FAT3: variants seen among roughly 807,000 people sequenced by gnomAD.
FAT3 encodes the protein FAT atypical cadherin 3.
Under a neutral mutation model 310.2 loss-of-function variants are expected in FAT3, and 95 were observed. That is an observed-to-expected ratio of 0.31 (90% CI 0.26 to 0.36). The LOEUF (loss-of-function observed/expected upper bound fraction) is 0.36, where lower values mean the gene tolerates loss of function less well. Among genes scored for constraint, FAT3 ranks in the 10% least tolerant of loss-of-function variants. The probability of loss-of-function intolerance (pLI) is 1.00; values close to 1 mark genes in which losing one functional copy is unlikely to be tolerated. For synonymous variants in FAT3, 2,314 were observed against 2,192.9 expected (o/e 1.06, Z -1.54); for missense variants, 5,408 against 5,715.6 (o/e 0.95, Z 1.74).
At chr11:92,645,498 A>G (rs927899836) in intron 3 of FAT3, among the ~76,000 whole-genome samples, 1 of 151,856 alleles carries the variant, frequency 6.6e-6, no homozygotes, top group Non-Finnish European at 1.5e-5. Flanking sequence ...CAGAAAAAAA[A>G]AAAAAACAGG....
intron 4 of FAT3, among the ~76,000 whole-genome samples, chr11:92,719,168 C>T (rs945011826): frequency 1.3e-5 from 2 of 152,202 alleles, no homozygotes; most frequent in African/African-American, 4.8e-5. Context: ...ATTTTAGTCA[C>T]TGTTTCCTAG....
At chr11:92,303,215 T>C (rs892452234) in intron 1 of FAT3, among the ~76,000 whole-genome samples, 1 of 152,134 alleles carries the variant, frequency 6.6e-6, no homozygotes, top group Non-Finnish European at 1.5e-5. Flanking sequence ...AAAATTTCCT[T>C]GGGAAACCAT....
chr11:92,863,971 G>C (rs1440384112), intron 21 of FAT3, among the ~76,000 whole-genome samples: 2 of 152,324 alleles, frequency 1.3e-5, no homozygotes, highest in Non-Finnish European at 2.9e-5. Context: ...ATTTTTGTTT[G>C]TAAAAGGCTA....
At chr11:92,566,121 G>C (rs530069126) in intron 3 of FAT3, among the ~76,000 whole-genome samples, 5 of 152,168 alleles carry the variant, frequency 3.3e-5, no homozygotes, top group African/African-American at 9.7e-5. Context: ...TGACATGATT[G>C]TGTATCTAGA....
intron 7 of FAT3, among the ~76,000 whole-genome samples, chr11:92,784,322 A>G (rs1050487750): frequency 6.6e-5 from 10 of 152,264 alleles, no homozygotes; most frequent in African/African-American, 2.2e-4. Context: ...AAGGGGCTTC[A>G]CCCTTGAAAT....
intron 2 of FAT3, among the ~76,000 whole-genome samples, chr11:92,381,839 T>C (rs1949500851): frequency 6.6e-6 from 1 of 152,196 alleles, no homozygotes; most frequent in African/African-American, 2.4e-5. Context: ...GAAATGTTGA[T>C]TGAATATTTA....
At chr11:92,632,124 C>T (rs1194660192) in intron 3 of FAT3, among the ~76,000 whole-genome samples, 3 of 152,312 alleles carry the variant, frequency 2.0e-5, no homozygotes, top group Non-Finnish European at 2.9e-5. Flanking sequence ...GCTTCAGCCA[C>T]TCCTTCTAAA....
chr11:92,452,881 C>T (rs911090047), intron 2 of FAT3, among the ~76,000 whole-genome samples: 45 of 152,118 alleles, frequency 3.0e-4, no homozygotes, highest in African/African-American at 1.1e-3. Flanking sequence ...TCAAGCAACC[C>T]TCCCACCTCT....
At chr11:92,585,262 A>C (rs926297785) in intron 3 of FAT3, among the ~76,000 whole-genome samples, 4 of 152,056 alleles carry the variant, frequency 2.6e-5, no homozygotes, top group African/African-American at 9.7e-5. Flanking sequence ...GTGACTATCA[A>C]TTTAATTTTA....
chr11:92,702,577 A>C (rs753339564), intron 4 of FAT3, among the ~76,000 whole-genome samples: 2 of 152,034 alleles, frequency 1.3e-5, no homozygotes, highest in Non-Finnish European at 2.9e-5. Context: ...TTTTCCATCT[A>C]CTTCCTCCTC....
Position 92,354,712 on chromosome 11 carries a change from C to T in FAT3, c.2600C>T (p.Thr867Ile). 1.2e-6 allele frequency: 2 copies of T among 1,613,882 alleles called. No homozygotes were observed. Among genetic ancestry groups the T allele is most frequent in the Non-Finnish European group, 1.7e-6 (2 of 1,179,874 alleles). The part of the protein sequence containing the change: ...DKDLGSNGEV[T>I]YSVLTDTQQF... ...GACTTAGGTTCTAATGGTGAAGTGACTTACTCAGTCTTGACAGATACACAG... is the reference window on the plus strand; with the variant it reads ...GACTTAGGTTCTAATGGTGAAGTGATTTACTCAGTCTTGACAGATACACAG... Residue 867 changes from threonine to isoleucine, a missense_variant, in exon 2 of 28, where the codon ACT becomes ATT. Transcript: ENST00000525166.
Position 92,889,187 on chromosome 11 carries a change from A to G in FAT3, c.13052-2A>G, listed in dbSNP as rs764171575. The G allele has an allele frequency of 7.0e-6, 5 of 712,102 alleles. No homozygotes were observed. The highest frequency in any genetic ancestry group is 4.5e-5 in the South Asian group (3 of 66,692). 44.1% of individuals were successfully genotyped at this position (712,102 alleles called of 1,614,324 possible). On this transcript the variant is annotated splice_acceptor_variant, in intron 25 of 27. Coordinates refer to ENST00000525166, the MANE Select transcript of FAT3 (RefSeq NM_001367949.2). LOFTEE classifies it high-confidence loss of function. ...CCTCCGACTTCTTTTCCTGACCACA[A>G]GCCTCCATAGTGACTGTCATTCAGC...
At chr11:92,291,109 A>ACACACACC in intron 1 of FAT3, among the ~76,000 whole-genome samples, 1 of 151,758 alleles carries the variant, frequency 6.6e-6, no homozygotes, top group South Asian at 2.1e-4. Flanking sequence ...ACACACACAC[A>ACACACACC]CACACACATG....
At chr11:92,380,552 C>T (rs749773692) in intron 2 of FAT3, among the ~76,000 whole-genome samples, 11 of 152,176 alleles carry the variant, frequency 7.2e-5, no homozygotes, top group Middle Eastern at 3.2e-3. Flanking sequence ...TAATTATCCA[C>T]ACTTCAGAGA....
intron 3 of FAT3, among the ~76,000 whole-genome samples, chr11:92,621,227 G>A (rs1941069197): frequency 6.6e-6 from 1 of 152,110 alleles, no homozygotes; most frequent in Non-Finnish European, 1.5e-5. Flanking sequence ...AGTCAGCCAA[G>A]GGGAAATAGT....
chr11:92,645,500 A>AAC lies in FAT3; in HGVS notation c.3608-51883_3608-51882insCA, dbSNP rs1555109229. ...AGACACTGCTTTTCAGAAAAAAAAA[A>AAC]AAAACAGGTAAACATCTTTTCATTA... On this transcript the variant is annotated intron_variant, in intron 3 of 27. Transcript: ENST00000525166. Among the ~76,000 whole-genome samples, 1,500 of 152,062 alleles carry AAC rather than the reference A, an allele frequency of 9.9e-3. 25 individuals carry two copies. Among genetic ancestry groups the AAC allele is most frequent in the African/African-American group, 0.034 (1,407 of 41,470 alleles).
chr11:92,529,543 GT>G (rs896233521), intron 3 of FAT3, among the ~76,000 whole-genome samples: 1 of 150,928 alleles, frequency 6.6e-6, no homozygotes, highest in Admixed American at 6.6e-5. Context: ...TTTTTGTTTT[GT>G]TTTTTTTGTT....
At position 92,814,215 on chromosome 11, in the gene FAT3, C is replaced by T. The variant is rs140755639; in HGVS notation, c.9481+4139C>T. Among the ~76,000 whole-genome samples, 168 of 152,240 alleles carry T rather than the reference C, an allele frequency of 1.1e-3. 1 individual carries two copies. The highest frequency in any genetic ancestry group is 3.1e-3 in the African/African-American group (128 of 41,532). On this transcript the variant is annotated intron_variant, in intron 13 of 27. Coordinates refer to ENST00000525166, the MANE Select transcript of FAT3 (RefSeq NM_001367949.2). Reference sequence around the variant, plus strand: ...AGCCCAAACAGATTAAGACAGCCAGCGATTGACTACAAAATATACCGTTCA... The same window carrying T: ...AGCCCAAACAGATTAAGACAGCCAGTGATTGACTACAAAATATACCGTTCA...
chr11:92,715,065 A>T (rs1944638133), intron 4 of FAT3, among the ~76,000 whole-genome samples: 1 of 152,154 alleles, frequency 6.6e-6, no homozygotes, highest in African/African-American at 2.4e-5. Context: ...CTCCAAAAAA[A>T]AAAAGACTAA....
Sources: allele counts gnomAD v4.1 joint callset (sites outside exome capture counted in the v4.1 genomes callset), GRCh38; gene constraint gnomAD v4.1.1; transcripts MANE v1.5; gene names NCBI Gene and HGNC (gene_info 2026-07-23, HGNC 2026-07-21).